RAB7B: variants seen among roughly 807,000 people sequenced by gnomAD.
The protein encoded by RAB7B is RAB7B, member RAS oncogene family.
At chr1:206,000,051 G>A (rs1234896185) in intron 1 of RAB7B, among the ~76,000 whole-genome samples, 3 of 152,310 alleles carry the variant, frequency 2.0e-5, no homozygotes, top group African/African-American at 7.2e-5. Context: ...TGGCATTACA[G>A]GTGTGAGCCA....
At chr1:205,987,434 T>C (rs1303043996) in intron 4 of RAB7B, among the ~76,000 whole-genome samples, 1 of 152,230 alleles carries the variant, frequency 6.6e-6, no homozygotes, top group Non-Finnish European at 1.5e-5. Flanking sequence ...TACTTGTTCA[T>C]TGGAGGCCAA....
intron 2 of RAB7B, among the ~76,000 whole-genome samples, chr1:205,993,864 G>A (rs886601486): frequency 0.018 from 2,687 of 152,312 alleles, 78 homozygotes; most frequent in African/African-American, 0.061. Context: ...AATTCACACA[G>A]CTGGTTACTG....
At chr1:205,999,208 G>A (rs1660853960) in intron 1 of RAB7B, among the ~76,000 whole-genome samples, 2 of 152,286 alleles carry the variant, frequency 1.3e-5, no homozygotes, top group African/African-American at 2.4e-5. Context: ...AGCTGGGGCA[G>A]GACGAGGAAG....
chr1:205,988,464 G>A (rs1335930922), intron 4 of RAB7B, among the ~76,000 whole-genome samples: 1 of 152,102 alleles, frequency 6.6e-6, no homozygotes, highest in Non-Finnish European at 1.5e-5. Flanking sequence ...CGAACTCCTG[G>A]GCTCAAGCTA....
In RAB7B at chr1:205,994,093, C is replaced by T. The variant is rs973728200; in HGVS notation, c.43G>A (p.Gly15Arg). Reference sequence around the variant, plus strand: ...CTGAGCTTGGCTTACCCAATGGCTCCGACGATAATGAGTTTCAGGTCCACC... The same window carrying T: ...CTGAGCTTGGCTTACCCAATGGCTCTGACGATAATGAGTTTCAGGTCCACC... ...KKVDLKLIIV[G>R]AIGVGKTSLL... The change falls in exon 2 of 6, where the codon GGA becomes AGA. Residue 15 changes from glycine (G) to arginine (R), a missense_variant. Coordinates refer to ENST00000617070, the MANE Select transcript of RAB7B (RefSeq NM_001164522.3). 5.0e-5 allele frequency: 20 copies of T among 398,514 alleles called. No homozygotes were observed. Among genetic ancestry groups the T allele is most frequent in the Non-Finnish European group, 8.4e-5 (19 of 226,122 alleles). 24.7% of individuals were successfully genotyped at this position (398,514 alleles called of 1,614,324 possible). A position where few individuals can be genotyped will look rare whatever the true frequency, so the allele number is the denominator to read the frequency against.
In RAB7B at chr1:206,003,326, C is replaced by T. The variant is rs1378033393; in HGVS notation, c.-90G>A. On this transcript the variant is annotated 5_prime_UTR_variant, in exon 1 of 6. Transcript: ENST00000617070. ...TCCTCTCTCAGTCTGGTGGTCTCTTCTTAGAGCAGTGGTCTCAGCAGGGCC... is the reference window on the plus strand; with the variant it reads ...TCCTCTCTCAGTCTGGTGGTCTCTTTTTAGAGCAGTGGTCTCAGCAGGGCC... The T allele has an allele frequency of 1.3e-5, 2 of 152,282 alleles. No individual in the cohort carries two copies. The highest frequency in any genetic ancestry group is 2.9e-5 in the Non-Finnish European group (2 of 68,104). 9.4% of individuals were successfully genotyped at this position (152,282 alleles called of 1,614,324 possible).
chr1:205,979,789 C>A (rs1161710131), intron 5 of RAB7B, among the ~76,000 whole-genome samples: 2 of 152,280 alleles, frequency 1.3e-5, no homozygotes, highest in Non-Finnish European at 2.9e-5. Context: ...TGGCATGGAC[C>A]TGAGCAGGGG....
At chr1:205,991,495 G>C (rs940365065) in intron 4 of RAB7B, among the ~76,000 whole-genome samples, 11 of 152,122 alleles carry the variant, frequency 7.2e-5, no homozygotes, top group Admixed American at 5.9e-4. Flanking sequence ...TTTCCAACTA[G>C]CTGTACAAGC....
chr1:205,980,272 G>A (rs1388936494), intron 5 of RAB7B, among the ~76,000 whole-genome samples: 2 of 152,242 alleles, frequency 1.3e-5, no homozygotes, highest in African/African-American at 4.8e-5. Flanking sequence ...GTCCTCATTT[G>A]TTGCATGGGC....
intron 4 of RAB7B, among the ~76,000 whole-genome samples, chr1:205,986,532 C>A (rs971895668): frequency 6.6e-6 from 1 of 152,314 alleles, no homozygotes; most frequent in South Asian, 2.1e-4. Flanking sequence ...TGTCTCCCTT[C>A]GGGAGCTCAG....
chr1:205,988,244 TTTC>T (rs1351853697), intron 4 of RAB7B, among the ~76,000 whole-genome samples: 596 of 27,932 alleles, frequency 0.021, 36 homozygotes, highest in East Asian at 0.08. Context: ...TTTTTTTTTT[TTTC>T]TTTTAGTGTC....
rs1037889409 is a variant in RAB7B at position 205,987,489 on chromosome 1, G to A, written c.397-1824C>T. On this transcript the variant is annotated intron_variant, in intron 4 of 5. Coordinates refer to ENST00000617070, the MANE Select transcript of RAB7B (RefSeq NM_001164522.3). The stretch of plus-strand genomic sequence containing the variant: ...CAGTTGGCATCATTTTATTTATGAT[G>A]CTTTTCCATCTCATGTGCTTTTAAA... Among the ~76,000 whole-genome samples the A allele has an allele frequency of 2.0e-5, 3 of 152,188 alleles. No individual in the cohort carries two copies. The East Asian group carries it at 5.8e-4, about 29-fold the overall frequency.
intron 4 of RAB7B, among the ~76,000 whole-genome samples, chr1:205,986,222 C>T (rs1660601609): frequency 6.6e-6 from 1 of 152,238 alleles, no homozygotes; most frequent in African/African-American, 2.4e-5. Context: ...CTCAGCTGAC[C>T]TTGCTTCCCC....
intron 1 of RAB7B, among the ~76,000 whole-genome samples, chr1:205,996,124 A>G (rs1269018958): frequency 2.8e-5 from 4 of 145,282 alleles, no homozygotes; most frequent in African/African-American, 1.0e-4. Context: ...TTGTTCCTAT[A>G]AGAGAAATGT....
chr1:206,002,547 G>A (rs2102258028), intron 1 of RAB7B, among the ~76,000 whole-genome samples: 1 of 151,990 alleles, frequency 6.6e-6, no homozygotes, highest in East Asian at 1.9e-4. Flanking sequence ...ATACAGACAA[G>A]TTACTATCTC....
At chr1:205,995,583 G>A (rs1300173400) in intron 1 of RAB7B, among the ~76,000 whole-genome samples, 4 of 152,260 alleles carry the variant, frequency 2.6e-5, no homozygotes, top group African/African-American at 7.2e-5. Context: ...TACAATTTAT[G>A]ACAACATGGG....
intron 4 of RAB7B, among the ~76,000 whole-genome samples, chr1:205,988,996 C>T (rs1660669515): frequency 6.6e-6 from 1 of 152,070 alleles, no homozygotes; most frequent in African/African-American, 2.4e-5. Context: ...CTCCCACACA[C>T]CTCATCCTCT....
At chr1:206,002,681 C>A (rs1660909740) in intron 1 of RAB7B, among the ~76,000 whole-genome samples, 1 of 152,194 alleles carries the variant, frequency 6.6e-6, no homozygotes, top group African/African-American at 2.4e-5. Flanking sequence ...CCAATGGATA[C>A]CTGGGTCAAG....
At position 205,996,700 on chromosome 1, in the gene RAB7B, T is replaced by C. The variant is rs946690155; in HGVS notation, c.-16-2549A>G. ...TGTTCTCATGCTATAAAGAACTGCC[T>C]GAGACTGGGTAATTTATGAAGGAAA... On this transcript the variant is annotated intron_variant, in intron 1 of 5. Transcript: ENST00000617070. Among the ~76,000 whole-genome samples, 31 of 152,318 alleles carry C rather than the reference T, an allele frequency of 2.0e-4. No individual in the cohort carries two copies. The East Asian group carries it at 4.4e-3, about 22-fold the overall frequency.
Sources: gnomAD v4.1 joint callset for allele counts (sites outside exome capture counted in the v4.1 genomes callset) on GRCh38, gnomAD v4.1.1 for gene constraint, MANE v1.5 for transcripts, NCBI Gene and HGNC (gene_info 2026-07-23, HGNC 2026-07-21) for gene names.